Variants in CNTNAP2 observed in about 807,000 individuals in gnomAD.
CNTNAP2 encodes contactin associated protein 2, also known as contactin-associated protein-like 2.
CNTNAP2 carries 98 observed loss-of-function variants against 155.2 expected under a neutral mutation model. The ratio of observed to expected loss-of-function variants is 0.63; its 90% CI spans 0.54 to 0.75. The LOEUF (loss-of-function observed/expected upper bound fraction) is 0.75, where lower values mean the gene tolerates loss of function less well. CNTNAP2 is among the 30% of genes least tolerant of loss of function. The pLI is 0.00. For synonymous variants in CNTNAP2, 651 were observed against 631.2 expected (o/e 1.03, Z -0.47); for missense variants, 1,727 against 1,688.1 (o/e 1.02, Z -0.40).
intron 10 of CNTNAP2, among the ~76,000 whole-genome samples, chr7:147,443,493 T>C (rs1401638324): frequency 1.3e-5 from 2 of 152,122 alleles, no homozygotes; most frequent in African/African-American, 2.4e-5. Context: ...CTTTCAATAA[T>C]AGGAAGTTAA....
chr7:147,712,459 C>A (rs550726525), intron 13 of CNTNAP2, among the ~76,000 whole-genome samples: 2 of 152,064 alleles, frequency 1.3e-5, no homozygotes, highest in Admixed American at 1.3e-4. Context: ...ATGTTTATTG[C>A]GGCACTATTC....
intron 21 of CNTNAP2, among the ~76,000 whole-genome samples, chr7:148,352,167 T>G (rs1445922088): frequency 6.6e-6 from 1 of 152,224 alleles, no homozygotes; most frequent in Non-Finnish European, 1.5e-5. Context: ...TGAAGGGTTT[T>G]AAGTAGTGAA....
At chr7:147,210,579 G>C (rs1449035134) in intron 8 of CNTNAP2, among the ~76,000 whole-genome samples, 1 of 151,408 alleles carries the variant, frequency 6.6e-6, no homozygotes, top group African/African-American at 2.4e-5. Context: ...ATGGTTTTTG[G>C]CTTCAATTTT....
intron 15 of CNTNAP2, among the ~76,000 whole-genome samples, chr7:148,114,534 A>G (rs1208524550): frequency 2.0e-5 from 3 of 152,222 alleles, no homozygotes; most frequent in Admixed American, 1.3e-4. Flanking sequence ...TCAACAAACA[A>G]TAATAACTCT....
In CNTNAP2 at chr7:147,108,297, AT is replaced by A. The variant is rs775266191; in HGVS notation, c.703del (p.Tyr235ThrfsTer6). The A allele has an allele frequency of 1.2e-6, 2 of 1,613,742 alleles. No homozygotes were observed. The highest frequency in any genetic ancestry group is 2.2e-5 in the South Asian group (2 of 91,074). On this transcript the variant is annotated frameshift_variant, in exon 5 of 24. Coordinates refer to ENST00000361727, the MANE Select transcript of CNTNAP2 (RefSeq NM_014141.6). LOFTEE classifies it high-confidence loss of function. ...CTGCACGGAGAAGGACAGCAAGGAGATTACATTACCTTGGAACTGAAAAAAG... is the reference window on the plus strand; with the variant it reads ...CTGCACGGAGAAGGACAGCAAGGAGATACATTACCTTGGAACTGAAAAAAG... ...VILHGEGQQG[D>X]YITLELKKAK...
At chr7:147,287,928 C>T (rs780169390) in intron 8 of CNTNAP2, among the ~76,000 whole-genome samples, 17 of 152,106 alleles carry the variant, frequency 1.1e-4, no homozygotes, top group Non-Finnish European at 2.1e-4. Flanking sequence ...GCCCTAATGA[C>T]GGTAAGAGCA....
At chr7:147,035,812 T>C (rs1799142645) in intron 3 of CNTNAP2, among the ~76,000 whole-genome samples, 1 of 152,162 alleles carries the variant, frequency 6.6e-6, no homozygotes, top group Admixed American at 6.5e-5. Flanking sequence ...AATATACTTA[T>C]TCTCATCATA....
intron 3 of CNTNAP2, among the ~76,000 whole-genome samples, chr7:146,888,974 G>A (rs1013398201): frequency 6.6e-6 from 1 of 152,030 alleles, no homozygotes; most frequent in Non-Finnish European, 1.5e-5. Flanking sequence ...AATTTCCTAA[G>A]TAGATAGTTC....
intron 13 of CNTNAP2, among the ~76,000 whole-genome samples, chr7:147,801,188 AG>A (rs1646841598): frequency 6.6e-6 from 1 of 152,088 alleles, no homozygotes; most frequent in African/African-American, 2.4e-5. Context: ...TCAAACATAG[AG>A]AGAATATTAT....
chr7:148,330,876 G>T (rs1297581358), intron 21 of CNTNAP2, among the ~76,000 whole-genome samples: 1 of 149,074 alleles, frequency 6.7e-6, no homozygotes, highest in Non-Finnish European at 1.5e-5. Flanking sequence ...GGATGGAGTG[G>T]CTGGATGGAA....
At chr7:147,111,164 G>A (rs1053129190) in intron 5 of CNTNAP2, among the ~76,000 whole-genome samples, 4 of 152,070 alleles carry the variant, frequency 2.6e-5, no homozygotes, top group Admixed American at 6.5e-5. Flanking sequence ...TTGGCCACAT[G>A]TATATCTTCT....
chr7:146,882,205 C>T (rs1795565634), intron 3 of CNTNAP2, among the ~76,000 whole-genome samples: 1 of 152,080 alleles, frequency 6.6e-6, no homozygotes, highest in Non-Finnish European at 1.5e-5. Flanking sequence ...TTCATTCAAC[C>T]CACCTTTGAT....
intron 9 of CNTNAP2, among the ~76,000 whole-genome samples, chr7:147,325,962 G>C (rs1795447678): frequency 2.0e-5 from 3 of 151,990 alleles, no homozygotes; most frequent in Non-Finnish European, 4.4e-5. Flanking sequence ...TTGCTCTGTA[G>C]CCCTGGCTGG....
intron 17 of CNTNAP2, among the ~76,000 whole-genome samples, chr7:148,164,635 T>G (rs1207827801): frequency 7.1e-6 from 1 of 141,622 alleles, no homozygotes; most frequent in Non-Finnish European, 1.5e-5. Flanking sequence ...TTTTTTTTTT[T>G]TTTGAGACGG....
intron 1 of CNTNAP2, among the ~76,000 whole-genome samples, chr7:146,210,677 T>C (rs1055500118): frequency 6.6e-6 from 1 of 152,122 alleles, no homozygotes; most frequent in African/African-American, 2.4e-5. Flanking sequence ...AGTAATCCTA[T>C]AAATCTCTTA....
At chr7:147,725,175 T>A (rs1796622788) in intron 13 of CNTNAP2, among the ~76,000 whole-genome samples, 1 of 151,994 alleles carries the variant, frequency 6.6e-6, no homozygotes, top group South Asian at 2.1e-4. Context: ...ATGGGTATAG[T>A]GCAAAATATT....
At chr7:146,375,755 A>C (rs1354928674) in intron 1 of CNTNAP2, among the ~76,000 whole-genome samples, 1 of 152,208 alleles carries the variant, frequency 6.6e-6, no homozygotes, top group Non-Finnish European at 1.5e-5. Flanking sequence ...GTAGATGTAG[A>C]TTCGATTTCA....
chr7:147,639,026 G>A (rs1444640385), intron 12 of CNTNAP2, 80 bp from the exon 13 acceptor site: 4 of 1,392,990 alleles, frequency 2.9e-6, no homozygotes, highest in South Asian at 1.2e-5. Flanking sequence ...CCATTTAAGT[G>A]TGGCTCAATT....
In CNTNAP2 at chr7:148,136,025, G is replaced by GGAAGGAAGGAAGGAAGGAAAGA. The variant is rs1563211121; in HGVS notation, c.2555-11466_2555-11465insGAAGGAAGGAAGGAAGGAAAGA. Reference sequence around the variant, plus strand: ...GAAGGAAGGAAGGAAGGAAGGGAGGGAGGGAGGGAGGGAGGGAGGGAGGGG... The same window carrying GGAAGGAAGGAAGGAAGGAAAGA: ...GAAGGAAGGAAGGAAGGAAGGGAGGGGAAGGAAGGAAGGAAGGAAAGAAGGGAGGGAGGGAGGGAGGGAGGGG... On this transcript the variant is annotated intron_variant, in intron 16 of 23. Coordinates refer to ENST00000361727, the MANE Select transcript of CNTNAP2 (RefSeq NM_014141.6). Among the ~76,000 whole-genome samples the GGAAGGAAGGAAGGAAGGAAAGA allele has an allele frequency of 5.8e-3, 180 of 30,946 alleles. 7 individuals carry two copies. Among genetic ancestry groups the GGAAGGAAGGAAGGAAGGAAAGA allele is most frequent in the African/African-American group, 0.034 (161 of 4,792 alleles). 20.3% of individuals were successfully genotyped at this position (30,946 alleles called of 152,430 possible). A position where few individuals can be genotyped will look rare whatever the true frequency, so the allele number is the denominator to read the frequency against.
Sources: gnomAD v4.1 joint callset for allele counts (sites outside exome capture counted in the v4.1 genomes callset) on GRCh38, gnomAD v4.1.1 for gene constraint, MANE v1.5 for transcripts, NCBI Gene and HGNC (gene_info 2026-07-23, HGNC 2026-07-21) for gene names.